Variants in TRPM3 observed in about 807,000 individuals in gnomAD.
TRPM3 encodes long transient receptor potential channel 3.
In TRPM3, 77 loss-of-function variants were observed where a neutral mutation model predicts 181.2. The ratio of observed to expected loss-of-function variants is 0.42; its 90% CI spans 0.35 to 0.51. TRPM3 has a LOEUF of 0.51. Among genes scored for constraint, TRPM3 ranks in the 20% least tolerant of loss-of-function variants. The probability of loss-of-function intolerance (pLI) is 0.01; values close to 1 mark genes in which losing one functional copy is unlikely to be tolerated. For synonymous variants in TRPM3, 745 were observed against 796.4 expected (o/e 0.94, Z 1.09); for missense variants, 1,759 against 2,196.7 (o/e 0.80, Z 3.98).
chr9:71,071,851 C>T (rs1179609978), intron 1 of TRPM3, among the ~76,000 whole-genome samples: 1 of 152,178 alleles, frequency 6.6e-6, no homozygotes, highest in African/African-American at 2.4e-5. Flanking sequence ...GCCTCTAGAA[C>T]AGGATGTGGT....
At chr9:70,573,169 T>C (rs1388995150) in intron 22 of TRPM3, among the ~76,000 whole-genome samples, 1 of 152,210 alleles carries the variant, frequency 6.6e-6, no homozygotes, top group Non-Finnish European at 1.5e-5. Context: ...TGCTTACACC[T>C]AAATGAAGAA....
At chr9:70,561,521 T>C (rs766046434) in intron 22 of TRPM3, among the ~76,000 whole-genome samples, 1 of 152,174 alleles carries the variant, frequency 6.6e-6, no homozygotes, top group Non-Finnish European at 1.5e-5. Context: ...GCCAATATCC[T>C]CTTATAATGG....
chr9:70,686,829 T>TC (rs1443807830), intron 8 of TRPM3, among the ~76,000 whole-genome samples: 2 of 99,154 alleles, frequency 2.0e-5, no homozygotes, highest in Non-Finnish European at 4.1e-5. Context: ...CTTTTTCTTT[T>TC]TTTTTTTCTT....
At position 70,625,091 on chromosome 9, in the gene TRPM3, T is replaced by G. The variant is rs1279052694; in HGVS notation, c.1809+100A>C. 5 of 1,368,316 alleles carry G rather than the reference T, an allele frequency of 3.7e-6. No individual in the cohort carries two copies. In the African/African-American group the frequency reaches 7.3e-5, roughly 20 times the overall value. 84.8% of individuals were successfully genotyped at this position (1,368,316 alleles called of 1,614,324 possible). On this transcript the variant is annotated intron_variant, in intron 14 of 25. Coordinates refer to ENST00000677713, the MANE Select transcript of TRPM3 (RefSeq NM_001366145.2). This position sits in a 1 kb window ranked among gnomAD's most constrained non-coding sequence, Gnocchi z 4.8. ...TGTTTAGGTTCACTCTCAGCGCAAT[T>G]TTCTGATTTTAATTCCCCTTGGAGA...
intron 22 of TRPM3, among the ~76,000 whole-genome samples, chr9:70,589,756 G>A (rs531429854): frequency 6.6e-6 from 1 of 152,314 alleles, no homozygotes; most frequent in South Asian, 2.1e-4. Context: ...AAAAAGTCTT[G>A]ATTGCCTTAG....
At chr9:71,269,198 A>T (rs2083607350) in intron 1 of TRPM3, among the ~76,000 whole-genome samples, 1 of 152,224 alleles carries the variant, frequency 6.6e-6, no homozygotes. Context: ...AGGCTCTAAA[A>T]AGCACAATTC....
chr9:70,940,577 G>C (rs537351141), intron 1 of TRPM3, among the ~76,000 whole-genome samples: 12 of 152,122 alleles, frequency 7.9e-5, no homozygotes, highest in African/African-American at 2.9e-4. Flanking sequence ...TAGACACTAA[G>C]GAAGTAAAAA....
chr9:71,428,822 G>A (rs1482172162), intron 1 of TRPM3, among the ~76,000 whole-genome samples: 3 of 151,836 alleles, frequency 2.0e-5, no homozygotes, highest in Non-Finnish European at 4.4e-5. Context: ...AGTAGGTACT[G>A]AATGAATACC....
chr9:71,088,522 T>C (rs549801157), intron 1 of TRPM3, among the ~76,000 whole-genome samples: 1 of 152,180 alleles, frequency 6.6e-6, no homozygotes, highest in South Asian at 2.1e-4. Flanking sequence ...GGTTAACAAA[T>C]ATTTCCAAAT....
At chr9:70,674,960 G>C (rs1341437470) in intron 9 of TRPM3, among the ~76,000 whole-genome samples, 1 of 151,648 alleles carries the variant, frequency 6.6e-6, no homozygotes, top group Non-Finnish European at 1.5e-5. Flanking sequence ...TGGAAGATGG[G>C]TCAGAACATA....
intron 1 of TRPM3, among the ~76,000 whole-genome samples, chr9:71,371,919 A>T (rs2132806525): frequency 6.6e-6 from 1 of 152,284 alleles, no homozygotes; most frequent in South Asian, 2.1e-4. Flanking sequence ...TGCTGCACAG[A>T]TCCTCTCATC....
intron 1 of TRPM3, among the ~76,000 whole-genome samples, chr9:70,969,779 T>TATATATACAC (rs900528837): frequency 7.2e-6 from 1 of 139,842 alleles, no homozygotes; most frequent in African/African-American, 2.6e-5. Context: ...TATATATATA[T>TATATATACAC]ACACACACAC....
chr9:71,004,364 CACA>C (rs1304650792), intron 1 of TRPM3, among the ~76,000 whole-genome samples: 19 of 152,362 alleles, frequency 1.2e-4, no homozygotes, highest in African/African-American at 4.6e-4. Flanking sequence ...ACAAGGGCAG[CACA>C]ACAATTCAGT....
chr9:71,334,041 A>G (rs2090394738), intron 1 of TRPM3, among the ~76,000 whole-genome samples: 1 of 151,880 alleles, frequency 6.6e-6, no homozygotes, highest in South Asian at 2.1e-4. Flanking sequence ...TCATTGATAA[A>G]TCTGTGGAAT....
chr9:71,367,923 CTTAG>C (rs1271685890), intron 1 of TRPM3, among the ~76,000 whole-genome samples: 1 of 149,986 alleles, frequency 6.7e-6, no homozygotes, highest in Non-Finnish European at 1.5e-5. Context: ...AACTTGCTGT[CTTAG>C]TATCTTCCTA....
intron 1 of TRPM3, among the ~76,000 whole-genome samples, chr9:71,271,027 A>G (rs754307173): frequency 3.3e-5 from 5 of 152,142 alleles, no homozygotes; most frequent in Non-Finnish European, 5.9e-5. Context: ...AGACCTACCC[A>G]ATAGAACTAT....
chr9:71,134,124 T>C (rs1245067278), intron 1 of TRPM3, among the ~76,000 whole-genome samples: 2 of 152,172 alleles, frequency 1.3e-5, no homozygotes, highest in Non-Finnish European at 2.9e-5. Context: ...CACAATCCTT[T>C]ATTATTCTTT....
intron 6 of TRPM3, among the ~76,000 whole-genome samples, chr9:70,812,961 G>A (rs898944375): frequency 3.2e-4 from 49 of 152,252 alleles, no homozygotes; most frequent in Admixed American, 7.9e-4. Context: ...TCTTAAGGGG[G>A]AAAATTAGGA....
intron 22 of TRPM3, among the ~76,000 whole-genome samples, chr9:70,574,897 C>A (rs2053490357): frequency 6.6e-6 from 1 of 151,644 alleles, no homozygotes; most frequent in Non-Finnish European, 1.5e-5. Context: ...TTTATTTTGG[C>A]ATAGTTGTTT....
Sources: allele counts gnomAD v4.1 joint callset (sites outside exome capture counted in the v4.1 genomes callset), GRCh38; gene constraint gnomAD v4.1.1; non-coding constraint Gnocchi (gnomAD v3.1); transcripts MANE v1.5; gene names NCBI Gene and HGNC (gene_info 2026-07-23, HGNC 2026-07-21).